ZFAND3: variants seen among roughly 807,000 people sequenced by gnomAD.
The protein encoded by ZFAND3 is zinc finger AN1-type containing 3.
ZFAND3 carries 10 observed loss-of-function variants against 29.6 expected under a neutral mutation model. That is an observed-to-expected ratio of 0.34 (90% CI 0.21 to 0.57). The LOEUF (loss-of-function observed/expected upper bound fraction) is 0.57, where lower values mean the gene tolerates loss of function less well. ZFAND3 is among the 20% of genes least tolerant of loss of function. The pLI is 0.86. For missense variants in ZFAND3, 230 were observed against 304.5 expected, an observed-to-expected ratio of 0.76 and a Z score of 1.82; for synonymous variants, 128 against 112.6, an observed-to-expected ratio of 1.14 and a Z score of -0.87.
At chr6:38,078,757 C>T (rs1274028423) in intron 3 of ZFAND3, among the ~76,000 whole-genome samples, 2 of 152,178 alleles carry the variant, frequency 1.3e-5, no homozygotes, top group Non-Finnish European at 2.9e-5. Context: ...ATCTATAGAA[C>T]CCACAATCAT....
chr6:38,003,308 G>C (rs922232112), intron 2 of ZFAND3: 1 of 153,502 alleles, frequency 6.5e-6, no homozygotes, highest in African/African-American at 2.4e-5. Context: ...ACAAAGTGTA[G>C]GCCTGAAATG....
At chr6:38,140,724 C>T (rs1354880655) in intron 5 of ZFAND3, among the ~76,000 whole-genome samples, 2 of 152,058 alleles carry the variant, frequency 1.3e-5, no homozygotes, top group Non-Finnish European at 2.9e-5. Flanking sequence ...AGCCCCCTCT[C>T]CTACACCCCC....
chr6:38,017,090 C>T (rs925055054), intron 2 of ZFAND3, among the ~76,000 whole-genome samples: 1 of 152,166 alleles, frequency 6.6e-6, no homozygotes, highest in Non-Finnish European at 1.5e-5. Context: ...TAAAAGTTCT[C>T]CCCAGTGAAA....
intron 2 of ZFAND3, among the ~76,000 whole-genome samples, chr6:37,954,214 A>G (rs116028658): frequency 6.0e-5 from 7 of 117,014 alleles, no homozygotes; most frequent in South Asian, 3.1e-4. Flanking sequence ...TCTCTTTCCT[A>G]TGCTTGGAGT....
At chr6:37,917,600 G>A (rs964319222) in intron 1 of ZFAND3, among the ~76,000 whole-genome samples, 2 of 152,070 alleles carry the variant, frequency 1.3e-5, no homozygotes, top group Non-Finnish European at 2.9e-5. Context: ...TTTTTGCTGG[G>A]GGTTATAACC....
At chr6:37,842,376 T>A (rs1421151252) in intron 1 of ZFAND3, among the ~76,000 whole-genome samples, 1 of 152,166 alleles carries the variant, frequency 6.6e-6, no homozygotes, top group Non-Finnish European at 1.5e-5. Flanking sequence ...CATCATAGAT[T>A]AGTTTTGCCT....
intron 2 of ZFAND3, among the ~76,000 whole-genome samples, chr6:37,930,249 T>A (rs1449489929): frequency 6.6e-6 from 1 of 152,218 alleles, no homozygotes; most frequent in Non-Finnish European, 1.5e-5. Flanking sequence ...TTCCTTGGTT[T>A]ACTGTTGTTG....
intron 1 of ZFAND3, among the ~76,000 whole-genome samples, chr6:37,861,579 C>CAAAA: frequency 6.6e-6 from 1 of 152,322 alleles, no homozygotes; most frequent in Admixed American, 6.5e-5. Flanking sequence ...TGAGTGTCTA[C>CAAAA]ATTTCACAGG....
rs568517779 is a variant in ZFAND3, at chr6:38,108,877, T to G, written c.362-7695T>G. On this transcript the variant is annotated intron_variant, in intron 4 of 5. Coordinates refer to ENST00000287218, the MANE Select transcript of ZFAND3 (RefSeq NM_021943.3). ...TTAAAGGAATGTGATAAAACATTAATTGTTGAATCTGAATGGAGTGTACAC... is the reference window on the plus strand; with the variant it reads ...TTAAAGGAATGTGATAAAACATTAAGTGTTGAATCTGAATGGAGTGTACAC... Among the ~76,000 whole-genome samples, 118 of 152,240 alleles carry G rather than the reference T, an allele frequency of 7.8e-4. 1 individual carries two copies. The highest frequency in any genetic ancestry group is 3.3e-3 in the Admixed American group (50 of 15,280).
rs75896375 is a variant in ZFAND3 at position 38,073,007 on chromosome 6, G to A, written c.296-9385G>A. On this transcript the variant is annotated intron_variant, in intron 3 of 5. Transcript: ENST00000287218. ...GATCCTATTATTAAGACCTGACAGT[G>A]TTCACTTCTGCCTGTAAAGCAAGAC... Among the ~76,000 whole-genome samples the A allele has an allele frequency of 9.3e-3, 1,415 of 152,240 alleles. 11 individuals carry two copies. Among genetic ancestry groups the A allele is most frequent in the Non-Finnish European group, 0.015 (1,011 of 68,012 alleles).
intron 2 of ZFAND3, among the ~76,000 whole-genome samples, chr6:38,004,023 ATGAAACTGAAGGATGG>A (rs1271931244): frequency 6.6e-6 from 1 of 152,132 alleles, no homozygotes; most frequent in Non-Finnish European, 1.5e-5. Context: ...TATCTTTTAT[ATGAAACTGAAGGATGG>A]CCAAATCCCA....
chr6:38,067,869 G>A (rs533124828), intron 3 of ZFAND3, among the ~76,000 whole-genome samples: 2 of 152,130 alleles, frequency 1.3e-5, no homozygotes, highest in South Asian at 4.1e-4. Flanking sequence ...GTAACATGAT[G>A]TGCATGTCTA....
intron 2 of ZFAND3, among the ~76,000 whole-genome samples, chr6:38,038,261 C>G (rs1262890304): frequency 6.6e-6 from 1 of 152,126 alleles, no homozygotes; most frequent in Non-Finnish European, 1.5e-5. Context: ...AGCATGTTGA[C>G]GATACATTTT....
At chr6:37,879,955 A>G (rs1764860577) in intron 1 of ZFAND3, among the ~76,000 whole-genome samples, 2 of 152,192 alleles carry the variant, frequency 1.3e-5, no homozygotes, top group African/African-American at 4.8e-5. Context: ...TAAAAGCAAA[A>G]TCTTTATGTG....
At chr6:37,939,856 A>G (rs1400095461) in intron 2 of ZFAND3, among the ~76,000 whole-genome samples, 1 of 152,150 alleles carries the variant, frequency 6.6e-6, no homozygotes, top group Non-Finnish European at 1.5e-5. Context: ...CCTGGCCAAC[A>G]TGGTGAAACC....
intron 1 of ZFAND3, among the ~76,000 whole-genome samples, chr6:37,928,309 C>A (rs933294306): frequency 6.6e-6 from 1 of 152,058 alleles, no homozygotes; most frequent in Non-Finnish European, 1.5e-5. Flanking sequence ...AGAAGGTTGG[C>A]TTATTCTATT....
Position 37,819,990 on chromosome 6 carries a change from G to T in ZFAND3, c.45G>T (p.Pro15=). Residue 15 remains proline (P), a synonymous_variant, in exon 1 of 6, where the codon CCG becomes CCT. Transcript: ENST00000287218. ...AGCGCAGCAAAGCGCCCAGCCTGCC[G>T]CCTCGCTGTCCCTGCGGCTTCTGGG... The part of the protein sequence containing the change: ...GSERSKAPSL[P]PRCPCGFWGS... 2.5e-6 allele frequency: 3 copies of T among 1,221,714 alleles called. No homozygotes were observed. The highest frequency in any genetic ancestry group is 3.1e-6 in the Non-Finnish European group (3 of 981,322). 75.7% of individuals were successfully genotyped at this position (1,221,714 alleles called of 1,614,324 possible).
intron 3 of ZFAND3, among the ~76,000 whole-genome samples, chr6:38,081,647 T>C (rs890113719): frequency 6.6e-6 from 1 of 152,084 alleles, no homozygotes; most frequent in African/African-American, 2.4e-5. Flanking sequence ...TTGGGGAGTG[T>C]TGGGGTATGT....
chr6:37,933,380 T>A (rs1288122500), intron 2 of ZFAND3, among the ~76,000 whole-genome samples: 1 of 152,152 alleles, frequency 6.6e-6, no homozygotes, highest in Non-Finnish European at 1.5e-5. Context: ...GAACTAGGGG[T>A]GTGTGTGTTT....
Sources: gnomAD v4.1 joint callset for allele counts (sites outside exome capture counted in the v4.1 genomes callset) on GRCh38, gnomAD v4.1.1 for gene constraint, MANE v1.5 for transcripts, NCBI Gene and HGNC (gene_info 2026-07-23, HGNC 2026-07-21) for gene names.